AIPL1: variants seen among roughly 807,000 people sequenced by gnomAD.
AIPL1 encodes AIP like 1 HSP90 co-chaperone, also known as aryl-hydrocarbon-interacting protein-like 1.
A neutral mutation model predicts 32.9 loss-of-function variants in AIPL1; 23 were observed. The observed-to-expected ratio is 0.70, with a 90% CI of 0.50 to 0.99. The LOEUF (loss-of-function observed/expected upper bound fraction) is 0.99, where lower values mean the gene tolerates loss of function less well. Ranked by LOEUF, AIPL1 falls within the 50% of genes least tolerant of loss-of-function variation. The pLI is 0.00. For missense variants in AIPL1, 485 were observed against 506.0 expected, an observed-to-expected ratio of 0.96 and a Z score of 0.40; for synonymous variants, 210 against 209.4, an observed-to-expected ratio of 1.00 and a Z score of -0.02.
chr17:6,433,586 A>ATCTCTCTCTCTCTCTCTC lies in AIPL1; in HGVS notation c.276+315_276+332dup, dbSNP rs149646818. Among the ~76,000 whole-genome samples the ATCTCTCTCTCTCTCTCTC allele has an allele frequency of 2.2e-3, 147 of 65,548 alleles. 3 individuals carry two copies. The highest frequency in any genetic ancestry group is 8.3e-3 in the African/African-American group (128 of 15,374). 43.0% of individuals were successfully genotyped at this position (65,548 alleles called of 152,430 possible). A position where few individuals can be genotyped will look rare whatever the true frequency, so the allele number is the denominator to read the frequency against. ...AGCCTGGGTGACAGAGCGAGACCCTATCTCTCTCTCTCTCTCTCTCTCTCT... is the reference window on the plus strand; with the variant it reads ...AGCCTGGGTGACAGAGCGAGACCCTATCTCTCTCTCTCTCTCTCTCTCTCTCTCTCTCTCTCTCTCTCT... On this transcript the variant is annotated intron_variant, in intron 2 of 5. Coordinates refer to ENST00000381129, the MANE Select transcript of AIPL1 (RefSeq NM_014336.5).
At chr17:6,428,146 CA>C (rs1326424829) in intron 3 of AIPL1, among the ~76,000 whole-genome samples, 171 bp downstream of exon 3, 2 of 152,184 alleles carry the variant, frequency 1.3e-5, no homozygotes, top group African/African-American at 4.8e-5. Context: ...GTGGAAAAAT[CA>C]GAGGACTTTT....
Position 6,426,610 on chromosome 17 carries a change from C to A in AIPL1, c.784+5G>T. On this transcript the variant is annotated splice_donor_5th_base_variant and intron_variant, in intron 5 of 5. Coordinates refer to ENST00000381129, the MANE Select transcript of AIPL1 (RefSeq NM_014336.5). ...CTCACTGTCCGCCCCTGCAGCCCCG[C>A]GCACCTGGGTGGTGCCGGAGAATAT... 1 of 1,613,474 alleles carries A rather than the reference C, an allele frequency of 6.2e-7. No individual in the cohort carries two copies. Among genetic ancestry groups the A allele is most frequent in the Non-Finnish European group, 8.5e-7 (1 of 1,179,900 alleles).
In AIPL1 at chr17:6,428,341, C is replaced by T. The variant is rs748654615; in HGVS notation, c.442G>A (p.Val148Ile). 6.2e-6 allele frequency: 10 copies of T among 1,610,438 alleles called. No individual in the cohort carries two copies. Among genetic ancestry groups the T allele is most frequent in the Non-Finnish European group, 8.5e-6 (10 of 1,180,030 alleles). ...ACCTGCAGCAGCTCGATCACAAAGA[C>T]CAGAGGCTGAGGCTCCTTCTGCAGC... ...DELQKEPQPL[V>I]FVIELLQVDA... The change falls in exon 3 of 6, where the codon GTC (valine) becomes ATC (isoleucine). Residue 148 changes from valine (V) to isoleucine (I), a missense_variant. Val to Ile is a conservative substitution (Grantham distance 29). Transcript: ENST00000381129.
rs774736002 is a variant in AIPL1 at position 6,425,487 on chromosome 17, C to CG, written c.1127dup (p.Ser377ValfsTer31). 3.1e-6 allele frequency: 5 copies of CG among 1,603,846 alleles called. No individual in the cohort carries two copies. The South Asian group carries it at 3.3e-5, about 11-fold the overall frequency. ...AGTGCTGCAGCGAGTGCCCTGGGGA[C>CG]GGGGGTGGCTCTGTGGCTGGCTCTG... On this transcript the variant is annotated frameshift_variant, in exon 6 of 6. Transcript: ENST00000381129. LOFTEE classifies it low-confidence loss of function (END_TRUNC).
Position 6,426,042 on chromosome 17 carries a change from G to C in AIPL1, c.785-212C>G, listed in dbSNP as rs115030161. ...TCCTCTCCTTTTTAAGGCCCTGTGA[G>C]TAATTTTATATTCATAACTTTGTTT... On this transcript the variant is annotated intron_variant, in intron 5 of 5. Transcript: ENST00000381129. 3,424 of 1,083,462 alleles carry C rather than the reference G, an allele frequency of 3.2e-3. 68 individuals are homozygous for C. In the African/African-American group the frequency reaches 0.046, roughly 15 times the overall value. The allele number at this position is 1,083,462 out of a possible 1,614,324, so 67.1% of individuals were successfully genotyped here. A position where few individuals can be genotyped will look rare whatever the true frequency, so the allele number is the denominator to read the frequency against.
At chr17:6,432,545 A>G (rs758087823) in intron 2 of AIPL1, among the ~76,000 whole-genome samples, 1 of 152,248 alleles carries the variant, frequency 6.6e-6, no homozygotes. Context: ...AGAAAATTCA[A>G]CAGTGACTGG....
intron 2 of AIPL1, among the ~76,000 whole-genome samples, chr17:6,429,890 GAGAT>G (rs1912398728): frequency 2.0e-5 from 3 of 152,076 alleles, no homozygotes; most frequent in African/African-American, 7.3e-5. Flanking sequence ...CGAATGATAG[GAGAT>G]AGATAGAAGA....
chr17:6,431,276 G>A (rs117624257), intron 2 of AIPL1, among the ~76,000 whole-genome samples: 6,092 of 149,988 alleles, frequency 0.041, 259 homozygotes, highest in South Asian at 0.12. Context: ...ATGAAAACCT[G>A]TCTCTACTAA....
intron 3 of AIPL1, among the ~76,000 whole-genome samples, chr17:6,428,040 G>A (rs939396782): frequency 4.6e-5 from 7 of 152,090 alleles, no homozygotes; most frequent in East Asian, 3.9e-4. Flanking sequence ...GGCTGGTCTC[G>A]AACTCCTGAC....
rs117897435 is a variant in AIPL1 at position 6,427,308 on chromosome 17, C to T, written c.466-251G>A. ...TATTCAGAAAATTGTCACGAATACT[C>T]GTTTTGTTAGAACAATACACTATTG... On this transcript the variant is annotated intron_variant, in intron 3 of 5. Coordinates refer to ENST00000381129, the MANE Select transcript of AIPL1 (RefSeq NM_014336.5). Among the ~76,000 whole-genome samples the T allele has an allele frequency of 7.0e-4, 106 of 152,334 alleles. 5 individuals are homozygous for T. In the East Asian group the frequency reaches 0.015, roughly 21 times the overall value.
intron 4 of AIPL1, 28 bp from the exon 5 acceptor site, chr17:6,426,784 C>T: frequency 6.2e-7 from 1 of 1,612,954 alleles, no homozygotes; most frequent in Non-Finnish European, 8.5e-7. Flanking sequence ...CAGCCATGAC[C>T]TCAGGCAGCT....
chr17:6,435,059 T>C lies in AIPL1; in HGVS notation c.46A>G (p.Ile16Val), dbSNP rs767405804. The C allele has an allele frequency of 9.3e-6, 15 of 1,614,088 alleles. No homozygotes were observed. The Admixed American group carries it at 2.5e-4, about 27-fold the overall frequency. ...AGCTCGCCCGTGCCCCCGTGCAGAA[T>C]GGTTTTCTTGACCCCTTCCACGTTC... The part of the protein sequence containing the change: ...LLNVEGVKKT[I>V]LHGGTGELPN... Residue 16 changes from isoleucine to valine, a missense_variant, in exon 1 of 6, where the codon ATT (isoleucine) becomes GTT (valine). Coordinates refer to ENST00000381129, the MANE Select transcript of AIPL1 (RefSeq NM_014336.5).
intron 2 of AIPL1, 49 bp downstream of exon 2, chr17:6,433,870 A>AGCCCAGAAAAGACTAGTCCCAGGAGACAG (rs374682927): frequency 0.01 from 16,467 of 1,598,002 alleles, 275 homozygotes; most frequent in African/African-American, 0.077. Flanking sequence ...CGGGTGGGTG[A>AGCCCAGAAAAGACTAGTCCCAGGAGACAG]GCCCAGAAAA....
Position 6,433,066 on chromosome 17 carries a change from C to T in AIPL1, c.276+853G>A, listed in dbSNP as rs138724782. Among the ~76,000 whole-genome samples, 338 of 152,260 alleles carry T rather than the reference C, an allele frequency of 2.2e-3. 1 individual carries two copies. Among genetic ancestry groups the T allele is most frequent in the African/African-American group, 7.1e-3 (296 of 41,544 alleles). On this transcript the variant is annotated intron_variant, in intron 2 of 5. Coordinates refer to ENST00000381129, the MANE Select transcript of AIPL1 (RefSeq NM_014336.5). ...TGGCCGGCACTGGGTGACAGGTACT[C>T]GTAAGTTCATTATTCTTTCTGCTGA...
rs1567634663 is a variant in AIPL1, at chr17:6,425,585, CG to C, written c.1029del (p.Ala344HisfsTer74). On this transcript the variant is annotated frameshift_variant, in exon 6 of 6. Coordinates refer to ENST00000381129, the MANE Select transcript of AIPL1 (RefSeq NM_014336.5). LOFTEE classifies it low-confidence loss of function (END_TRUNC). ...QPPAEPPTEP[P>X]AQSSTEPPAE... is the part of the protein sequence containing the mutation. ...GCAGGTGGCTCTGTGGATGACTGTG[CG>C]GGTGGCTCTGTGGGTGGCTCTGCGG... 1 of 1,613,054 alleles carries C rather than the reference CG, an allele frequency of 6.2e-7. No individual in the cohort carries two copies. The highest frequency in any genetic ancestry group is 8.5e-7 in the Non-Finnish European group (1 of 1,179,746).
chr17:6,434,515 C>T (rs997104308), intron 1 of AIPL1, among the ~76,000 whole-genome samples: 1 of 152,072 alleles, frequency 6.6e-6, no homozygotes, highest in African/African-American at 2.4e-5. Context: ...AGGCGCCCAG[C>T]ACATCTGGCT....
At position 6,433,126 on chromosome 17, in the gene AIPL1, G is replaced by A. The variant is rs549364740; in HGVS notation, c.276+793C>T. Among the ~76,000 whole-genome samples, 20 of 152,292 alleles carry A rather than the reference G, an allele frequency of 1.3e-4. No individual in the cohort carries two copies. In the South Asian group the frequency reaches 2.1e-3, roughly 16 times the overall value. ...ATGTTTGAAAGTTCCCATAAGAAAC[G>A]TTGCCTAAAGGTCAGTGAGTTTTGC... On this transcript the variant is annotated intron_variant, in intron 2 of 5. Coordinates refer to ENST00000381129, the MANE Select transcript of AIPL1 (RefSeq NM_014336.5).
intron 2 of AIPL1, among the ~76,000 whole-genome samples, chr17:6,429,222 G>A (rs1227223792): frequency 6.6e-6 from 1 of 152,224 alleles, no homozygotes. Flanking sequence ...GAGGCCTGCT[G>A]TATGTATGCT....
intron 4 of AIPL1, 58 bp downstream of exon 4, chr17:6,426,823 A>C: frequency 1.2e-6 from 2 of 1,611,758 alleles, no homozygotes; most frequent in Non-Finnish European, 1.7e-6. Context: ...CCTGGCCGGC[A>C]CTGGGCAGGC....
Sources: gnomAD v4.1 joint callset for allele counts (sites outside exome capture counted in the v4.1 genomes callset) on GRCh38, gnomAD v4.1.1 for gene constraint, MANE v1.5 for transcripts, NCBI Gene and HGNC (gene_info 2026-07-23, HGNC 2026-07-21) for gene names.